RBFOX1: variants seen among roughly 807,000 people sequenced by gnomAD.
The protein encoded by RBFOX1 is RNA binding fox-1 homolog 1.
Under a neutral mutation model 57.7 loss-of-function variants are expected in RBFOX1, and 8 were observed. The observed-to-expected ratio is 0.14, with a 90% confidence interval of 0.08 to 0.25. The LOEUF is 0.25. RBFOX1 is among the 10% of genes least tolerant of loss of function. The pLI, the probability that RBFOX1 is intolerant of heterozygous loss-of-function variation, is 1.00. For synonymous variants in RBFOX1, 326 were observed against 222.4 expected (o/e 1.47, Z -4.15); for missense variants, 611 against 548.5 (o/e 1.11, Z -1.14).
intron 1 of RBFOX1, among the ~76,000 whole-genome samples, chr16:6,129,575 G>C (rs1476048621): frequency 6.6e-6 from 1 of 151,966 alleles, no homozygotes; most frequent in Non-Finnish European, 1.5e-5. Flanking sequence ...CATAGAGGTA[G>C]GGAGGAGAGA....
chr16:7,221,641 A>G (rs923844353), intron 4 of RBFOX1, among the ~76,000 whole-genome samples: 1 of 152,220 alleles, frequency 6.6e-6, no homozygotes, highest in Non-Finnish European at 1.5e-5. Flanking sequence ...TACTGGGATT[A>G]CAGGCGTGAG....
At chr16:7,146,437 C>T (rs1028458270) in intron 4 of RBFOX1, among the ~76,000 whole-genome samples, 1 of 152,176 alleles carries the variant, frequency 6.6e-6, no homozygotes, top group African/African-American at 2.4e-5. Context: ...AGCTCTGTCA[C>T]CCCCACTGAG....
chr16:6,887,895 C>G lies in RBFOX1; in HGVS notation c.-15-164162C>G, dbSNP rs547608066. The stretch of plus-strand genomic sequence containing the variant: ...CAGGCTGGTCTCGAACTCCAGACTT[C>G]AAGTGATCCACCCGTCATGGCCTCC... On this transcript the variant is annotated intron_variant, in intron 3 of 15. Coordinates refer to ENST00000550418, the MANE Select transcript of RBFOX1 (RefSeq NM_018723.4). Among the ~76,000 whole-genome samples the G allele has an allele frequency of 1.8e-4, 28 of 152,226 alleles. No individual in the cohort carries two copies. The East Asian group carries it at 5.2e-3, about 28-fold the overall frequency.
At chr16:6,703,041 C>T (rs200999396) in intron 3 of RBFOX1, among the ~76,000 whole-genome samples, 4 of 152,190 alleles carry the variant, frequency 2.6e-5, no homozygotes, top group East Asian at 1.9e-4. Flanking sequence ...GGTATCTGGC[C>T]TATCTCACTT....
At chr16:6,469,397 C>A (rs2153077833) in intron 2 of RBFOX1, among the ~76,000 whole-genome samples, 1 of 152,212 alleles carries the variant, frequency 6.6e-6, no homozygotes, top group East Asian at 1.9e-4. Flanking sequence ...TTTAAGAGAC[C>A]CACATAGACA....
chr16:6,861,459 A>G (rs1315688840), intron 3 of RBFOX1, among the ~76,000 whole-genome samples: 3 of 150,762 alleles, frequency 2.0e-5, no homozygotes, highest in Admixed American at 6.8e-5. Context: ...TCTCTTTTCC[A>G]AAAGGAATGA....
At chr16:6,507,647 G>A (rs1017264245) in intron 2 of RBFOX1, among the ~76,000 whole-genome samples, 2 of 152,104 alleles carry the variant, frequency 1.3e-5, no homozygotes, top group Admixed American at 1.3e-4. Context: ...CTCCAGCCTG[G>A]ACAGAAATCC....
chr16:5,649,287 C>A (rs555366666), intron 3 of RBFOX1, among the ~76,000 whole-genome samples: 3 of 151,966 alleles, frequency 2.0e-5, no homozygotes, highest in South Asian at 4.1e-4. Flanking sequence ...TCTTGTCTCA[C>A]CCTCCCAAGT....
intron 3 of RBFOX1, among the ~76,000 whole-genome samples, chr16:6,667,236 C>G (rs898422879): frequency 3.9e-5 from 6 of 152,106 alleles, no homozygotes; most frequent in African/African-American, 1.2e-4. Flanking sequence ...GCTGGGCACC[C>G]TCAGCAGTGC....
intron 4 of RBFOX1, among the ~76,000 whole-genome samples, chr16:7,098,337 T>C (rs2062045237): frequency 6.6e-6 from 1 of 152,122 alleles, no homozygotes; most frequent in South Asian, 2.1e-4. Context: ...GCCTGGCTAA[T>C]TTTTATATTT....
At chr16:7,529,138 G>A (rs1280403753) in intron 5 of RBFOX1, among the ~76,000 whole-genome samples, 1 of 152,108 alleles carries the variant, frequency 6.6e-6, no homozygotes, top group Non-Finnish European at 1.5e-5. Context: ...GCGGGCACTT[G>A]TCATCCCCAC....
At chr16:7,661,906 A>G (rs898730612) in intron 12 of RBFOX1, among the ~76,000 whole-genome samples, 1 of 152,190 alleles carries the variant, frequency 6.6e-6, no homozygotes, top group Non-Finnish European at 1.5e-5. Context: ...TACCCTACTG[A>G]GCAGAGACTC....
At chr16:5,935,133 G>T (rs1231978349) in intron 4 of RBFOX1, among the ~76,000 whole-genome samples, 1 of 152,200 alleles carries the variant, frequency 6.6e-6, no homozygotes, top group African/African-American at 2.4e-5. Flanking sequence ...TTCCAAGAAG[G>T]CTTGTGTCTA....
At chr16:6,868,985 C>G (rs2060411474) in intron 3 of RBFOX1, among the ~76,000 whole-genome samples, 1 of 152,142 alleles carries the variant, frequency 6.6e-6, no homozygotes, top group South Asian at 2.1e-4. Flanking sequence ...CGTCTGTCAG[C>G]TCATGTCCCT....
chr16:6,761,983 C>G (rs1213307605), intron 3 of RBFOX1, among the ~76,000 whole-genome samples: 1 of 152,128 alleles, frequency 6.6e-6, no homozygotes, highest in African/African-American at 2.4e-5. Context: ...TGCCTGCCTT[C>G]TCACGTGCCG....
intron 4 of RBFOX1, among the ~76,000 whole-genome samples, chr16:5,937,689 C>CAT (rs1340940385): frequency 2.0e-5 from 3 of 149,254 alleles, no homozygotes; most frequent in Non-Finnish European, 4.4e-5. Context: ...TATATGGTTA[C>CAT]ATATTTATAT....
At chr16:6,639,848 C>A (rs1229112684) in intron 2 of RBFOX1, among the ~76,000 whole-genome samples, 1 of 152,118 alleles carries the variant, frequency 6.6e-6, no homozygotes, top group African/African-American at 2.4e-5. Flanking sequence ...CACTGCACTC[C>A]AGCCTGAGCA....
chr16:7,036,734 G>C (rs201701333), intron 3 of RBFOX1, among the ~76,000 whole-genome samples: 24 of 51,694 alleles, frequency 4.6e-4, no homozygotes, highest in South Asian at 2.9e-3. Flanking sequence ...AACAAACAAA[G>C]AAAAAAAAAA....
intron 2 of RBFOX1, among the ~76,000 whole-genome samples, chr16:6,584,984 G>T (rs372802243): frequency 2.3e-4 from 35 of 152,280 alleles, no homozygotes; most frequent in Non-Finnish European, 3.8e-4. Context: ...CAGGCAAAAG[G>T]ATGCTCAACC....
Sources: allele counts gnomAD v4.1 joint callset (sites outside exome capture counted in the v4.1 genomes callset), GRCh38; gene constraint gnomAD v4.1.1; transcripts MANE v1.5; gene names NCBI Gene and HGNC (gene_info 2026-07-23, HGNC 2026-07-21).